The following MOB3B variants were observed in gnomAD, a reference collection of about 807,000 sequenced individuals.
MOB3B encodes MOB kinase activator-like 2B.
MOB3B carries 7 observed loss-of-function variants against 18.7 expected under a neutral mutation model. The ratio of observed to expected loss-of-function variants is 0.37; its 90% CI spans 0.21 to 0.70. The LOEUF (loss-of-function observed/expected upper bound fraction) is 0.70. Among genes scored for constraint, MOB3B ranks in the 30% least tolerant of loss-of-function variants. MOB3B has a pLI of 0.52. For missense variants in MOB3B, 253 were observed against 281.3 expected (o/e 0.90, Z 0.72); for synonymous variants, 111 against 99.9 (o/e 1.11, Z -0.66).
chr9:27,403,500 G>C (rs1821916160), intron 2 of MOB3B, among the ~76,000 whole-genome samples: 1 of 142,622 alleles, frequency 7.0e-6, no homozygotes, highest in South Asian at 2.2e-4. Flanking sequence ...TTAATGCTTG[G>C]TCTGGCTCTT....
chr9:27,483,430 C>A (rs1819693012), intron 1 of MOB3B, among the ~76,000 whole-genome samples: 1 of 152,130 alleles, frequency 6.6e-6, no homozygotes, highest in Admixed American at 6.5e-5. Flanking sequence ...CCGCGCCCGG[C>A]CAATATATGG....
chr9:27,513,108 A>T (rs1820171187), intron 1 of MOB3B, among the ~76,000 whole-genome samples: 1 of 152,226 alleles, frequency 6.6e-6, no homozygotes, highest in Non-Finnish European at 1.5e-5. Flanking sequence ...GATTACCAAA[A>T]AACTATCATG....
chr9:27,338,086 G>C (rs1431019721), intron 3 of MOB3B, among the ~76,000 whole-genome samples: 1 of 152,112 alleles, frequency 6.6e-6, no homozygotes, highest in Non-Finnish European at 1.5e-5. Context: ...AAATAAAACT[G>C]TTTTCCTGCA....
chr9:27,389,164 C>G (rs1021544593), intron 2 of MOB3B, among the ~76,000 whole-genome samples: 3 of 152,168 alleles, frequency 2.0e-5, no homozygotes, highest in Non-Finnish European at 2.9e-5. Context: ...GGTCCCCAGA[C>G]CTGCAGCATC....
chr9:27,461,916 G>T (rs966945123), intron 1 of MOB3B, among the ~76,000 whole-genome samples: 4 of 152,148 alleles, frequency 2.6e-5, no homozygotes, highest in Non-Finnish European at 5.9e-5. Context: ...AGTGGGATTT[G>T]TTTGGTATGG....
intron 2 of MOB3B, among the ~76,000 whole-genome samples, chr9:27,452,464 CT>C (rs1822804322): frequency 6.6e-6 from 1 of 152,164 alleles, no homozygotes; most frequent in East Asian, 1.9e-4. Flanking sequence ...CAAACCACTT[CT>C]GGGGGAATGA....
chr9:27,500,402 A>G (rs977246539), intron 1 of MOB3B, among the ~76,000 whole-genome samples: 5 of 152,244 alleles, frequency 3.3e-5, no homozygotes, highest in African/African-American at 1.2e-4. Context: ...AAACAGAGAT[A>G]TAGACCAATG....
intron 2 of MOB3B, among the ~76,000 whole-genome samples, chr9:27,448,381 A>G (rs1019724525): frequency 5.3e-5 from 8 of 152,216 alleles, no homozygotes; most frequent in African/African-American, 1.9e-4. Context: ...ATAAAGAAAA[A>G]GAGGTTTAAT....
At chr9:27,500,599 A>C (rs958587953) in intron 1 of MOB3B, among the ~76,000 whole-genome samples, 12 of 152,352 alleles carry the variant, frequency 7.9e-5, no homozygotes, top group African/African-American at 2.9e-4. Context: ...AAATTAATTC[A>C]AGATGGATTA....
intron 2 of MOB3B, among the ~76,000 whole-genome samples, chr9:27,432,402 C>T (rs1822430954): frequency 6.6e-6 from 1 of 152,074 alleles, no homozygotes; most frequent in South Asian, 2.1e-4. Flanking sequence ...AGTAGTAAAG[C>T]TTTTATTTTT....
At chr9:27,449,290 C>A (rs1440523968) in intron 2 of MOB3B, among the ~76,000 whole-genome samples, 5 of 152,144 alleles carry the variant, frequency 3.3e-5, no homozygotes, top group Non-Finnish European at 7.4e-5. Context: ...GGATACGGTT[C>A]AAAAATTGTC....
chr9:27,509,223 C>T lies in MOB3B; in HGVS notation c.-199+20332G>A, dbSNP rs534189681. 1.3e-3 allele frequency among the ~76,000 whole-genome samples: 198 copies of T among 152,124 alleles called. 5 individuals are homozygous for T. Among genetic ancestry groups the T allele is most frequent in the Admixed American group, 0.012 (190 of 15,280 alleles). Reference sequence around the variant, plus strand: ...ACACATACATTAAGAGATACTGTAACTTTCATAGTTCCAATGCCAAGCCTT... The same window carrying T: ...ACACATACATTAAGAGATACTGTAATTTTCATAGTTCCAATGCCAAGCCTT... On this transcript the variant is annotated intron_variant, in intron 1 of 3. Transcript: ENST00000262244.
chr9:27,356,833 A>G (rs1587151825), intron 3 of MOB3B, among the ~76,000 whole-genome samples: 1 of 152,040 alleles, frequency 6.6e-6, no homozygotes, highest in East Asian at 1.9e-4. Flanking sequence ...AATTAACTTT[A>G]TCAATTGTTT....
chr9:27,436,895 G>A (rs1434822167), intron 2 of MOB3B, among the ~76,000 whole-genome samples: 1 of 151,490 alleles, frequency 6.6e-6, no homozygotes, highest in East Asian at 1.9e-4. Flanking sequence ...TATGAAGAAA[G>A]AGCAGCCAGC....
Position 27,330,262 on chromosome 9 carries a change from T to C in MOB3B, c.*325A>G. The C allele has an allele frequency of 4.2e-6, 1 of 240,794 alleles. No individual in the cohort carries two copies. The highest frequency in any genetic ancestry group is 8.0e-6 in the Non-Finnish European group (1 of 125,568). 14.9% of individuals were successfully genotyped at this position (240,794 alleles called of 1,614,324 possible). On this transcript the variant is annotated 3_prime_UTR_variant, in exon 4 of 4. Coordinates refer to ENST00000262244, the MANE Select transcript of MOB3B (RefSeq NM_024761.5). ...CTCAAAACCTGAATTCCAGTAAAGC[T>C]TAGGCGGCAGGTCACAGGCAGAACT... is the stretch of plus-strand genomic sequence containing the variant.
At chr9:27,510,386 T>C (rs1408217928) in intron 1 of MOB3B, among the ~76,000 whole-genome samples, 1 of 152,232 alleles carries the variant, frequency 6.6e-6, no homozygotes, top group East Asian at 1.9e-4. Context: ...AATTTGGATA[T>C]TGGATTTCTT....
chr9:27,485,469 T>C (rs1231606762), intron 1 of MOB3B, among the ~76,000 whole-genome samples: 1 of 152,200 alleles, frequency 6.6e-6, no homozygotes, highest in Non-Finnish European at 1.5e-5. Flanking sequence ...TGTCTCCCAA[T>C]CACAAAGCCC....
intron 2 of MOB3B, among the ~76,000 whole-genome samples, chr9:27,379,864 T>C (rs1821547207): frequency 6.6e-6 from 1 of 152,116 alleles, no homozygotes; most frequent in South Asian, 2.1e-4. Flanking sequence ...AATGTAAACT[T>C]TTCAATATAG....
At chr9:27,341,235 A>G (rs1267612799) in intron 3 of MOB3B, among the ~76,000 whole-genome samples, 3 of 152,238 alleles carry the variant, frequency 2.0e-5, no homozygotes, top group African/African-American at 4.8e-5. Flanking sequence ...ACTCTTAATG[A>G]CATGCAAGAA....
Sources: allele counts gnomAD v4.1 joint callset (sites outside exome capture counted in the v4.1 genomes callset), GRCh38; gene constraint gnomAD v4.1.1; transcripts MANE v1.5; gene names NCBI Gene and HGNC (gene_info 2026-07-23, HGNC 2026-07-21).